The following PLD1 variants were observed in gnomAD, a reference collection of about 807,000 sequenced individuals.
PLD1 encodes choline phosphatase 1.
In PLD1, 112 loss-of-function variants were observed where a neutral mutation model predicts 137.1. That is an observed-to-expected ratio of 0.82 (90% confidence interval 0.70 to 0.96). The LOEUF (loss-of-function observed/expected upper bound fraction) is 0.96, where lower values mean the gene tolerates loss of function less well. Among genes scored for constraint, PLD1 ranks in the 40% least tolerant of loss-of-function variants. The pLI is 0.00. For synonymous variants in PLD1, 431 were observed against 454.7 expected (o/e 0.95, Z 0.66); for missense variants, 1,321 against 1,342.0 (o/e 0.98, Z 0.24).
chr3:171,702,323 G>GA (rs1218399310), intron 11 of PLD1, among the ~76,000 whole-genome samples: 2 of 151,828 alleles, frequency 1.3e-5, no homozygotes, highest in East Asian at 3.9e-4. Flanking sequence ...CTGTCTCTAC[G>GA]AAAAAATTTA....
chr3:171,730,250 A>G (rs1718829805), intron 6 of PLD1, among the ~76,000 whole-genome samples: 1 of 152,122 alleles, frequency 6.6e-6, no homozygotes, highest in Non-Finnish European at 1.5e-5. Context: ...CAACTCAGAT[A>G]TTGCTATTTT....
At chr3:171,765,844 T>C (rs1721947547) in intron 1 of PLD1, among the ~76,000 whole-genome samples, 1 of 152,240 alleles carries the variant, frequency 6.6e-6, no homozygotes. Context: ...TCTGGACATA[T>C]TGAAAATCTC....
chr3:171,794,347 G>A (rs879119276), intron 1 of PLD1, among the ~76,000 whole-genome samples: 3 of 152,022 alleles, frequency 2.0e-5, no homozygotes, highest in Admixed American at 6.6e-5. Flanking sequence ...AAATCATAGC[G>A]TGTATAGGGT....
At chr3:171,615,442 A>G (rs1733021572) in intron 24 of PLD1, among the ~76,000 whole-genome samples, 2 of 152,204 alleles carry the variant, frequency 1.3e-5, no homozygotes, top group African/African-American at 4.8e-5. Context: ...GTCATCACTG[A>G]ATTTATTACC....
chr3:171,729,452 G>A (rs140544239), intron 6 of PLD1, among the ~76,000 whole-genome samples: 24 of 152,228 alleles, frequency 1.6e-4, no homozygotes, highest in Non-Finnish European at 2.6e-4. Flanking sequence ...TGGCAATCAC[G>A]TACACACTGC....
intron 12 of PLD1, among the ~76,000 whole-genome samples, chr3:171,699,151 G>A (rs1371965029): frequency 1.3e-5 from 2 of 151,994 alleles, no homozygotes; most frequent in Non-Finnish European, 2.9e-5. Context: ...AGTCATTAGT[G>A]AGCCTAGGCT....
chr3:171,704,894 A>T (rs1490983143), intron 11 of PLD1, among the ~76,000 whole-genome samples: 2 of 152,210 alleles, frequency 1.3e-5, no homozygotes, highest in Non-Finnish European at 2.9e-5. Context: ...ATAGGCCAGC[A>T]GGCACCAGTT....
chr3:171,730,828 G>A (rs1040160242), intron 6 of PLD1, among the ~76,000 whole-genome samples: 3 of 152,048 alleles, frequency 2.0e-5, no homozygotes, highest in African/African-American at 7.2e-5. Context: ...TAGTAGAGAT[G>A]AGGTTTCACC....
intron 23 of PLD1, among the ~76,000 whole-genome samples, chr3:171,639,846 C>CTATATATATA (rs771002250): frequency 3.9e-4 from 41 of 103,824 alleles, no homozygotes; most frequent in African/African-American, 1.5e-3. Flanking sequence ...CTCTCTCTCT[C>CTATATATATA]TCTATATATA....
intron 1 of PLD1, among the ~76,000 whole-genome samples, chr3:171,767,445 G>C (rs1007910716): frequency 1.4e-4 from 22 of 152,354 alleles, no homozygotes; most frequent in Non-Finnish European, 2.6e-4. Flanking sequence ...TCTAAATGAA[G>C]AGCAGCACAG....
chr3:171,766,384 TC>T (rs1399714446), intron 1 of PLD1, among the ~76,000 whole-genome samples: 3 of 152,076 alleles, frequency 2.0e-5, no homozygotes, highest in Admixed American at 2.0e-4. Flanking sequence ...TCATCAGAAA[TC>T]CCACCTTCAA....
intron 21 of PLD1, among the ~76,000 whole-genome samples, chr3:171,650,790 C>A (rs1174444891): frequency 6.6e-6 from 1 of 151,750 alleles, no homozygotes; most frequent in Non-Finnish European, 1.5e-5. Context: ...CCCAGCTACT[C>A]GGGAGGCTGA....
chr3:171,805,159 A>G (rs1486616456), intron 1 of PLD1, among the ~76,000 whole-genome samples: 3 of 152,080 alleles, frequency 2.0e-5, no homozygotes, highest in Non-Finnish European at 4.4e-5. Flanking sequence ...TTTTATTTCC[A>G]TGTTGCTTTT....
intron 18 of PLD1, 64 bp downstream of exon 18, chr3:171,676,651 C>A: frequency 8.0e-7 from 1 of 1,254,642 alleles, no homozygotes; most frequent in Non-Finnish European, 1.2e-6. Context: ...CTCCTCTAAA[C>A]CTCTTCTCTA....
intron 19 of PLD1, among the ~76,000 whole-genome samples, chr3:171,666,541 T>C (rs1712169817): frequency 6.6e-6 from 1 of 152,244 alleles, no homozygotes; most frequent in South Asian, 2.1e-4. Context: ...TTATCACCCA[T>C]TTTGATTGAT....
chr3:171,677,468 A>G (rs1713498585), intron 17 of PLD1, 98 bp downstream of exon 17: 3 of 1,257,210 alleles, frequency 2.4e-6, no homozygotes, highest in African/African-American at 1.5e-5. Flanking sequence ...CAACGGAAGC[A>G]AAACAAAAGG....
At chr3:171,752,119 A>ATATTCT (rs1720710756) in intron 1 of PLD1, among the ~76,000 whole-genome samples, 1 of 152,276 alleles carries the variant, frequency 6.6e-6, no homozygotes, top group Non-Finnish European at 1.5e-5. Context: ...TAAGTGCATT[A>ATATTCT]GAACTACATG....
intron 6 of PLD1, among the ~76,000 whole-genome samples, chr3:171,727,757 T>C (rs940328206): frequency 2.6e-5 from 4 of 152,078 alleles, no homozygotes; most frequent in African/African-American, 4.8e-5. Context: ...GGTTTGTAAA[T>C]GGGATTAGTA....
intron 23 of PLD1, among the ~76,000 whole-genome samples, chr3:171,627,639 T>A (rs1021997471): frequency 3.3e-5 from 5 of 152,160 alleles, no homozygotes; most frequent in Admixed American, 1.3e-4. Context: ...ATGTAAAAGA[T>A]AAGAAATTAT....
Sources: allele counts gnomAD v4.1 joint callset (sites outside exome capture counted in the v4.1 genomes callset), GRCh38; gene constraint gnomAD v4.1.1; transcripts MANE v1.5; gene names NCBI Gene and HGNC (gene_info 2026-07-23, HGNC 2026-07-21).